Variants in KLHL29 observed in about 807,000 individuals in gnomAD.
KLHL29 encodes kelch like family member 29.
Under a neutral mutation model 80.4 loss-of-function variants are expected in KLHL29, and 21 were observed. That is an observed-to-expected ratio of 0.26 (90% confidence interval 0.19 to 0.38). KLHL29 has a LOEUF of 0.38. Ranked by LOEUF, KLHL29 falls within the 10% of genes least tolerant of loss-of-function variation. The probability of loss-of-function intolerance (pLI) is 1.00; values close to 1 mark genes in which losing one functional copy is unlikely to be tolerated. For missense variants in KLHL29, 867 were observed against 1,223.9 expected (o/e 0.71, Z 4.35); for synonymous variants, 511 against 526.8 (o/e 0.97, Z 0.41).
intron 1 of KLHL29, among the ~76,000 whole-genome samples, chr2:23,408,873 G>A (rs957756052): frequency 6.6e-5 from 10 of 152,114 alleles, no homozygotes; most frequent in African/African-American, 2.2e-4. Context: ...TGGGGCATAC[G>A]GTGTTCGTGT....
chr2:23,415,196 TTGG>T (rs1666955084), intron 1 of KLHL29, among the ~76,000 whole-genome samples: 3 of 152,186 alleles, frequency 2.0e-5, no homozygotes, highest in Admixed American at 6.5e-5. Flanking sequence ...GTGCGTCCTG[TTGG>T]TGGAGCAAGG....
intron 1 of KLHL29, among the ~76,000 whole-genome samples, chr2:23,463,401 T>C (rs2103429784): frequency 6.6e-6 from 1 of 152,320 alleles, no homozygotes; most frequent in South Asian, 2.1e-4. Flanking sequence ...AATCTATCAG[T>C]GGATATATTC....
At chr2:23,670,698 T>G (rs1450010193) in intron 5 of KLHL29, among the ~76,000 whole-genome samples, 2 of 152,096 alleles carry the variant, frequency 1.3e-5, no homozygotes, top group Non-Finnish European at 2.9e-5. Context: ...AAAAGATCGT[T>G]AGAAATATGA....
At chr2:23,414,342 G>A (rs928012248) in intron 1 of KLHL29, among the ~76,000 whole-genome samples, 13 of 152,210 alleles carry the variant, frequency 8.5e-5, no homozygotes, top group Admixed American at 7.8e-4. Flanking sequence ...CCGCGCAGAC[G>A]GATGTGTTTG....
intron 2 of KLHL29, among the ~76,000 whole-genome samples, chr2:23,549,881 GGCTGT>G (rs945775629): frequency 3.9e-5 from 6 of 152,320 alleles, no homozygotes; most frequent in Admixed American, 3.9e-4. Flanking sequence ...TGCCATCCTT[GGCTGT>G]GCTGCCTTTC....
chr2:23,591,590 G>C (rs1431859314), intron 3 of KLHL29, among the ~76,000 whole-genome samples: 1 of 150,732 alleles, frequency 6.6e-6, no homozygotes, highest in Non-Finnish European at 1.5e-5. Context: ...TGTCCATTCT[G>C]TTGTTAAACC....
At chr2:23,640,669 T>C (rs1288527216) in intron 4 of KLHL29, among the ~76,000 whole-genome samples, 1 of 152,220 alleles carries the variant, frequency 6.6e-6, no homozygotes, top group Non-Finnish European at 1.5e-5. Context: ...TCTCTCGTTA[T>C]CAAAATCATA....
At chr2:23,428,473 T>A (rs570791457) in intron 1 of KLHL29, among the ~76,000 whole-genome samples, 20 of 152,284 alleles carry the variant, frequency 1.3e-4, no homozygotes, top group African/African-American at 4.6e-4. Flanking sequence ...GGTGTCCCGG[T>A]CTCAGCTCCT....
At chr2:23,401,173 T>TCAA (rs1358617887) in intron 1 of KLHL29, among the ~76,000 whole-genome samples, 1 of 152,168 alleles carries the variant, frequency 6.6e-6, no homozygotes, top group Admixed American at 6.6e-5. Context: ...GGTGACAACT[T>TCAA]CAACTGTTGC....
intron 1 of KLHL29, among the ~76,000 whole-genome samples, chr2:23,471,556 C>T (rs1219655882): frequency 6.6e-6 from 1 of 152,188 alleles, no homozygotes; most frequent in Non-Finnish European, 1.5e-5. Context: ...CAATTAACAT[C>T]TCTTGAGTAC....
intron 2 of KLHL29, among the ~76,000 whole-genome samples, chr2:23,480,121 G>A (rs1664745513): frequency 6.6e-6 from 1 of 152,228 alleles, no homozygotes; most frequent in African/African-American, 2.4e-5. Flanking sequence ...CTTGAAAGGT[G>A]ACAAGGGAGG....
chr2:23,482,734 C>T (rs933015566), intron 2 of KLHL29, among the ~76,000 whole-genome samples: 9 of 152,244 alleles, frequency 5.9e-5, no homozygotes, highest in Admixed American at 3.9e-4. Context: ...CTGTCTCTCT[C>T]TCTTACAACA....
chr2:23,621,080 G>A (rs528347435), intron 3 of KLHL29, among the ~76,000 whole-genome samples: 1 of 152,372 alleles, frequency 6.6e-6, no homozygotes, highest in African/African-American at 2.4e-5. Flanking sequence ...CCGGGGGACT[G>A]CAGTGCTCCA....
intron 2 of KLHL29, among the ~76,000 whole-genome samples, chr2:23,550,333 A>C (rs564782153): frequency 6.6e-6 from 1 of 152,084 alleles, no homozygotes; most frequent in Non-Finnish European, 1.5e-5. Context: ...GGGCTACGTC[A>C]TGGTTTCCTG....
intron 1 of KLHL29, among the ~76,000 whole-genome samples, chr2:23,474,467 T>G (rs1156286257): frequency 1.3e-5 from 2 of 152,220 alleles, no homozygotes; most frequent in Non-Finnish European, 2.9e-5. Flanking sequence ...GCCACTTTGG[T>G]TCTGTGTCAA....
chr2:23,589,556 A>G (rs1348152141), intron 3 of KLHL29, among the ~76,000 whole-genome samples: 1 of 152,222 alleles, frequency 6.6e-6, no homozygotes, highest in African/African-American at 2.4e-5. Flanking sequence ...TTGCCTTTTC[A>G]GTGGGAGCCA....
chr2:23,628,494 A>G (rs1047197421), intron 3 of KLHL29, among the ~76,000 whole-genome samples: 2 of 152,068 alleles, frequency 1.3e-5, no homozygotes, highest in Admixed American at 6.5e-5. Flanking sequence ...TGGGCTCACA[A>G]TTAATGTTGA....
rs1246972232 is a variant in KLHL29 at position 23,562,617 on chromosome 2, A to C, written c.285+136A>C. 1.2e-6 allele frequency: 1 copy of C among 855,868 alleles called. No individual in the cohort carries two copies. Among genetic ancestry groups the C allele is most frequent in the Non-Finnish European group, 1.7e-6 (1 of 574,060 alleles). The allele number at this position is 855,868 out of a possible 1,614,324, so 53.0% of individuals were successfully genotyped here. Reference sequence around the variant, plus strand: ...GAGTCCTCCAGAGTCTTGTCCTTCCAGGACCTGGGCCTGGAAACTGTTTGC... The same window carrying C: ...GAGTCCTCCAGAGTCTTGTCCTTCCCGGACCTGGGCCTGGAAACTGTTTGC... On this transcript the variant is annotated intron_variant, in intron 3 of 13. Coordinates refer to ENST00000486442, the MANE Select transcript of KLHL29 (RefSeq NM_052920.2). This position sits in a 1 kb window ranked among gnomAD's most constrained non-coding sequence, Gnocchi z 4.5.
chr2:23,591,243 G>A (rs1159976247), intron 3 of KLHL29, among the ~76,000 whole-genome samples: 5 of 152,254 alleles, frequency 3.3e-5, no homozygotes, highest in African/African-American at 7.2e-5. Flanking sequence ...ACAAGAGGCC[G>A]GTGCCCTTGG....
Sources: allele counts gnomAD v4.1 joint callset (sites outside exome capture counted in the v4.1 genomes callset), GRCh38; gene constraint gnomAD v4.1.1; non-coding constraint Gnocchi (gnomAD v3.1); transcripts MANE v1.5; gene names NCBI Gene and HGNC (gene_info 2026-07-23, HGNC 2026-07-21).